SLIT2: variants seen among roughly 807,000 people sequenced by gnomAD.
SLIT2 encodes the protein slit guidance ligand 2, also known as slit homolog 2 protein.
SLIT2 carries 41 observed loss-of-function variants against 185.7 expected under a neutral mutation model. The ratio of observed to expected loss-of-function variants is 0.22; its 90% CI spans 0.17 to 0.29. The LOEUF is 0.29. Ranked by LOEUF, SLIT2 falls within the 10% of genes least tolerant of loss-of-function variation. SLIT2 has a pLI of 1.00. For missense variants in SLIT2, 1,571 were observed against 1,909.0 expected, an observed-to-expected ratio of 0.82 and a Z score of 3.30; for synonymous variants, 693 against 680.2, an observed-to-expected ratio of 1.02 and a Z score of -0.29.
intron 4 of SLIT2, among the ~76,000 whole-genome samples, chr4:20,325,658 C>T (rs1357886236): frequency 6.6e-6 from 1 of 152,080 alleles, no homozygotes; most frequent in Non-Finnish European, 1.5e-5. Context: ...ATATTTTGCC[C>T]TAACTTCATC....
At chr4:20,423,192 C>CT (rs1728296880) in intron 4 of SLIT2, among the ~76,000 whole-genome samples, 1 of 151,946 alleles carries the variant, frequency 6.6e-6, no homozygotes, top group Non-Finnish European at 1.5e-5. Flanking sequence ...AGGGGAAACA[C>CT]TGAGATTGGG....
intron 4 of SLIT2, among the ~76,000 whole-genome samples, chr4:20,297,691 T>A (rs889799716): frequency 8.9e-5 from 12 of 135,268 alleles, no homozygotes; most frequent in African/African-American, 2.7e-4. Flanking sequence ...AAAAAAAATC[T>A]CATGGGTTTT....
In SLIT2 at chr4:20,565,694, G is replaced by A. The variant is rs146042571; in HGVS notation, c.2726-1568G>A. Among the ~76,000 whole-genome samples the A allele has an allele frequency of 2.6e-3, 398 of 151,956 alleles. 9 individuals carry two copies. In the South Asian group the frequency reaches 0.059, roughly 23 times the overall value. ...CAAAATGTAAGGGACATTAGCACTG[G>A]CACAGTCTCTCCTAGTGACTGAGGC... On this transcript the variant is annotated intron_variant, in intron 26 of 36. Coordinates refer to ENST00000504154, the MANE Select transcript of SLIT2 (RefSeq NM_004787.4).
chr4:20,544,215 T>TA lies in SLIT2; in HGVS notation c.2276+1596dup, dbSNP rs1256633671. On this transcript the variant is annotated intron_variant, in intron 21 of 36. Transcript: ENST00000504154. ...AAGCAGAGATAGTTAAAATAAAAAA[T>TA]AAAAAAAGAATATTCTGTGTCCAAA... Among the ~76,000 whole-genome samples the TA allele has an allele frequency of 4.6e-5, 7 of 151,944 alleles. No homozygotes were observed. In the East Asian group the frequency reaches 1.2e-3, roughly 25 times the overall value.
In SLIT2 at chr4:20,484,939, C is replaced by T. The variant is rs1047689018; in HGVS notation, c.540-1261C>T. 6.6e-5 allele frequency among the ~76,000 whole-genome samples: 10 copies of T among 152,114 alleles called. No individual in the cohort carries two copies. The highest frequency in any genetic ancestry group is 1.2e-4 in the Non-Finnish European group (8 of 68,002). The stretch of plus-strand genomic sequence containing the variant: ...TTGCCCATCATTGTATATTTTTGCA[C>T]GTGGCCTGCTTCGCTCATTTCTGTT... On this transcript the variant is annotated intron_variant, in intron 6 of 36. Coordinates refer to ENST00000504154, the MANE Select transcript of SLIT2 (RefSeq NM_004787.4). This position sits in a 1 kb window ranked among gnomAD's most constrained non-coding sequence, Gnocchi z 4.3.
intron 6 of SLIT2, among the ~76,000 whole-genome samples, chr4:20,482,485 A>G (rs1402197907): frequency 6.6e-6 from 1 of 152,044 alleles, no homozygotes; most frequent in Non-Finnish European, 1.5e-5. Context: ...CTATAAACTA[A>G]TATCGTTGTC....
At chr4:20,469,340 C>A (rs2148746725) in intron 5 of SLIT2, among the ~76,000 whole-genome samples, 1 of 152,184 alleles carries the variant, frequency 6.6e-6, no homozygotes. Flanking sequence ...GGCTTTTAAT[C>A]TTCTTAGTTA....
At chr4:20,446,695 C>G (rs965923099) in intron 4 of SLIT2, among the ~76,000 whole-genome samples, 6 of 152,172 alleles carry the variant, frequency 3.9e-5, no homozygotes, top group Admixed American at 2.0e-4. Context: ...CTGCATATCT[C>G]TCTGTTCAAA....
chr4:20,386,398 T>TGTGACACAAGTGTGTCACACAA (rs547063118), intron 4 of SLIT2, among the ~76,000 whole-genome samples: 3 of 152,214 alleles, frequency 2.0e-5, no homozygotes, highest in Admixed American at 2.0e-4. Context: ...GTTGTGTTTG[T>TGTGACACAAGTGTGTCACACAA]GTGACACAAG....
intron 4 of SLIT2, 73 bp downstream of exon 4, chr4:20,268,954 TTGTG>T (rs1713317435): frequency 1.1e-6 from 1 of 898,502 alleles, no homozygotes; most frequent in Admixed American, 1.7e-5. Flanking sequence ...TTGGATCTGT[TTGTG>T]TGTGCTTTCC....
intron 29 of SLIT2, among the ~76,000 whole-genome samples, chr4:20,583,574 G>T (rs926453651): frequency 3.9e-5 from 6 of 152,136 alleles, no homozygotes; most frequent in African/African-American, 1.4e-4. Context: ...GACTTTGGGA[G>T]GCTGAGGTGG....
intron 4 of SLIT2, 105 bp downstream of exon 4, chr4:20,268,986 T>C: frequency 2.7e-6 from 2 of 733,836 alleles, no homozygotes; most frequent in Non-Finnish European, 4.9e-6. Context: ...TGTTCATCAA[T>C]AGATTAATGG....
At chr4:20,256,179 G>A (rs772409821) in intron 1 of SLIT2, among the ~76,000 whole-genome samples, 4 of 152,084 alleles carry the variant, frequency 2.6e-5, no homozygotes, top group Non-Finnish European at 5.9e-5. Context: ...TTGTTTTGAT[G>A]GCACTAATTT....
intron 9 of SLIT2, among the ~76,000 whole-genome samples, 170 bp downstream of exon 9, chr4:20,492,069 GTTAAAGTGGCTGTGATGTTT>G (rs1368014703): frequency 6.6e-6 from 1 of 152,144 alleles, no homozygotes; most frequent in African/African-American, 2.4e-5. Context: ...AACATACCAT[GTTAAAGTGGCTGTGATGTTT>G]TTTCTTCCAC....
intron 7 of SLIT2, among the ~76,000 whole-genome samples, 176 bp from the exon 8 acceptor site, chr4:20,488,643 G>A (rs1717485855): frequency 6.6e-6 from 1 of 152,188 alleles, no homozygotes; most frequent in Admixed American, 6.5e-5. Context: ...GCTCAGTTCA[G>A]ACTAAATGAA....
In SLIT2 at chr4:20,316,255, T is replaced by G. The variant is rs557948087; in HGVS notation, c.395+47374T>G. On this transcript the variant is annotated intron_variant, in intron 4 of 36. Coordinates refer to ENST00000504154, the MANE Select transcript of SLIT2 (RefSeq NM_004787.4). The stretch of plus-strand genomic sequence containing the variant: ...AACATGTCAACAATTCTTTGGCACT[T>G]AATTTTTATTCTTCAGCCTAGATTA... Among the ~76,000 whole-genome samples, 35 of 152,206 alleles carry G rather than the reference T, an allele frequency of 2.3e-4. No individual in the cohort carries two copies. The Middle Eastern group carries it at 0.01, about 44-fold the overall frequency.
At chr4:20,355,836 A>ATT (rs796582662) in intron 4 of SLIT2, among the ~76,000 whole-genome samples, 10 of 152,120 alleles carry the variant, frequency 6.6e-5, no homozygotes, top group African/African-American at 2.4e-4. Flanking sequence ...CAAGCTCAAA[A>ATT]TTTTCCTTAA....
chr4:20,485,167 C>G (rs943728681), intron 6 of SLIT2, among the ~76,000 whole-genome samples: 24 of 152,096 alleles, frequency 1.6e-4, no homozygotes, highest in Non-Finnish European at 3.1e-4. Context: ...TTGTATACCC[C>G]CCGGGATAAC....
At chr4:20,265,483 T>A (rs572829060) in intron 3 of SLIT2, among the ~76,000 whole-genome samples, 10 of 152,054 alleles carry the variant, frequency 6.6e-5, no homozygotes, top group African/African-American at 2.4e-4. Context: ...GTTGTATCCA[T>A]ATTACCACAT....
Sources: allele counts gnomAD v4.1 joint callset (sites outside exome capture counted in the v4.1 genomes callset), GRCh38; gene constraint gnomAD v4.1.1; non-coding constraint Gnocchi (gnomAD v3.1); transcripts MANE v1.5; gene names NCBI Gene and HGNC (gene_info 2026-07-23, HGNC 2026-07-21).